UBE2H: variants seen among roughly 807,000 people sequenced by gnomAD.
The protein encoded by UBE2H is ubiquitin conjugating enzyme E2 H, also known as ubiquitin-conjugating enzyme E2 H.
UBE2H carries 3 observed loss-of-function variants against 29.0 expected under a neutral mutation model. The observed-to-expected ratio is 0.10, with a 90% CI of 0.05 to 0.27. The LOEUF (loss-of-function observed/expected upper bound fraction) is 0.27. UBE2H is among the 10% of genes least tolerant of loss of function. The pLI, the probability that UBE2H is intolerant of heterozygous loss-of-function variation, is 1.00. For synonymous variants in UBE2H, 69 were observed against 82.9 expected (o/e 0.83, Z 0.91); for missense variants, 68 against 228.2 (o/e 0.30, Z 4.52).
At chr7:129,906,965 G>C (rs1364990632) in intron 1 of UBE2H, among the ~76,000 whole-genome samples, 2 of 152,294 alleles carry the variant, frequency 1.3e-5, no homozygotes, top group East Asian at 3.9e-4. Flanking sequence ...AGTTTTGAGA[G>C]ACATTACTAC....
intron 5 of UBE2H, among the ~76,000 whole-genome samples, chr7:129,852,445 C>T (rs935325631): frequency 2.8e-4 from 42 of 150,240 alleles, no homozygotes; most frequent in Middle Eastern, 6.8e-3. Flanking sequence ...CCAGCCTGGG[C>T]GACAGAGCGA....
intron 3 of UBE2H, among the ~76,000 whole-genome samples, chr7:129,865,402 T>A (rs189310359): frequency 3.3e-5 from 5 of 152,274 alleles, no homozygotes; most frequent in South Asian, 2.1e-4. Flanking sequence ...TATTTTTCCA[T>A]CTTTGTTCCC....
intron 1 of UBE2H, among the ~76,000 whole-genome samples, chr7:129,909,883 C>G (rs114899655): frequency 0.047 from 7,124 of 151,928 alleles, 189 homozygotes; most frequent in South Asian, 0.13. Context: ...GAGCCACAAG[C>G]AAACAGCTGA....
chr7:129,931,397 A>AG (rs1807393954), intron 1 of UBE2H, among the ~76,000 whole-genome samples: 1 of 150,800 alleles, frequency 6.6e-6, no homozygotes, highest in East Asian at 1.9e-4. Context: ...TGGGGAAAGA[A>AG]AAAAAAAACC....
chr7:129,873,279 A>T (rs945839550), intron 3 of UBE2H, among the ~76,000 whole-genome samples: 4 of 151,970 alleles, frequency 2.6e-5, no homozygotes, highest in Non-Finnish European at 5.9e-5. Context: ...TCAGCCTCCC[A>T]AAGTGCTGGG....
intron 1 of UBE2H, among the ~76,000 whole-genome samples, chr7:129,885,937 T>C (rs1378499168): frequency 6.6e-6 from 1 of 152,206 alleles, no homozygotes; most frequent in Admixed American, 6.5e-5. Context: ...AGTTTCTTTC[T>C]CCTCTCTGCT....
intron 1 of UBE2H, among the ~76,000 whole-genome samples, chr7:129,952,139 C>A (rs370932665): frequency 6.6e-6 from 1 of 151,548 alleles, no homozygotes; most frequent in Non-Finnish European, 1.5e-5. Flanking sequence ...AAATCCAAAG[C>A]GAGCAAACAG....
chr7:129,857,238 C>T (rs1222130727), intron 5 of UBE2H: 2 of 418,912 alleles, frequency 4.8e-6, no homozygotes, highest in Non-Finnish European at 8.5e-6. Flanking sequence ...CACATGTATT[C>T]ATGTGTGTGC....
Position 129,942,132 on chromosome 7 carries a change from G to T in UBE2H, c.53+10371C>A, listed in dbSNP as rs2116519157. ...GGCTGAAGCAGGAGGATTGAGTTCA[G>T]AATCCGGAAGTTCGAGGCTGCAGTG... On this transcript the variant is annotated intron_variant, in intron 1 of 6. Transcript: ENST00000355621. Among the ~76,000 whole-genome samples the T allele has an allele frequency of 1.5e-5, 2 of 134,510 alleles. 1 individual carries two copies. The highest frequency in any genetic ancestry group is 9.7e-3 in the Middle Eastern group (2 of 206). The allele number at this position is 134,510 out of a possible 152,430, so 88.2% of individuals were successfully genotyped here.
At chr7:129,853,285 T>C (rs532730635) in intron 5 of UBE2H, among the ~76,000 whole-genome samples, 1 of 152,328 alleles carries the variant, frequency 6.6e-6, no homozygotes, top group South Asian at 2.1e-4. Flanking sequence ...AAGCTACCTG[T>C]GGCTTAATGA....
chr7:129,944,740 ACACACACACACGCACGCACG>A (rs1807724058), intron 1 of UBE2H, among the ~76,000 whole-genome samples: 1 of 142,576 alleles, frequency 7.0e-6, no homozygotes. Flanking sequence ...ACACACACAC[ACACACACACACGCACGCACG>A]CACGCGCATG....
intron 1 of UBE2H, among the ~76,000 whole-genome samples, chr7:129,891,594 G>C (rs1806488662): frequency 6.6e-6 from 1 of 152,054 alleles, no homozygotes; most frequent in African/African-American, 2.4e-5. Flanking sequence ...ATGAGGTCAG[G>C]AGTTCAAGAC....
In UBE2H at chr7:129,952,927, T is replaced by C. The variant is rs1415135653; in HGVS notation, c.-372A>G. ...GCCTCCACTATAAGCGGACGACTCC[T>C]GCTCAGTCGGCCTCCCTACCCCAGC... On this transcript the variant is annotated 5_prime_UTR_variant, in exon 1 of 7. Coordinates refer to ENST00000355621, the MANE Select transcript of UBE2H (RefSeq NM_003344.4). 1 of 162,930 alleles carries C rather than the reference T, an allele frequency of 6.1e-6. No individual in the cohort carries two copies. Among genetic ancestry groups the C allele is most frequent in the African/African-American group, 2.4e-5 (1 of 41,890 alleles). 10.1% of individuals were successfully genotyped at this position (162,930 alleles called of 1,614,324 possible). A position where few individuals can be genotyped will look rare whatever the true frequency, so the allele number is the denominator to read the frequency against.
chr7:129,870,210 G>A (rs1359965492), intron 3 of UBE2H, among the ~76,000 whole-genome samples: 1 of 151,976 alleles, frequency 6.6e-6, no homozygotes, highest in African/African-American at 2.4e-5. Context: ...CTTCCTTCTC[G>A]ATGGTGGTGC....
chr7:129,899,604 G>A lies in UBE2H; in HGVS notation c.54-18633C>T, dbSNP rs540853962. Among the ~76,000 whole-genome samples the A allele has an allele frequency of 1.4e-3, 214 of 152,116 alleles. 1 individual carries two copies. Among genetic ancestry groups the A allele is most frequent in the Middle Eastern group, 3.4e-3 (1 of 292 alleles). ...ACACGTGCATGTGCTCAGGATTCACGAACAAAAACTTACTAAGATATGAAG... is the reference window on the plus strand; with the variant it reads ...ACACGTGCATGTGCTCAGGATTCACAAACAAAAACTTACTAAGATATGAAG... On this transcript the variant is annotated intron_variant, in intron 1 of 6. Transcript: ENST00000355621.
At chr7:129,935,048 G>C (rs1432504282) in intron 1 of UBE2H, among the ~76,000 whole-genome samples, 4 of 150,984 alleles carry the variant, frequency 2.6e-5, no homozygotes, top group African/African-American at 9.7e-5. Flanking sequence ...ACAAAATAGA[G>C]GTGAAAGGTA....
Position 129,952,715 on chromosome 7 carries a change from G to GGGC in UBE2H, c.-161_-160insGCC. On this transcript the variant is annotated 5_prime_UTR_variant, in exon 1 of 7. Coordinates refer to ENST00000355621, the MANE Select transcript of UBE2H (RefSeq NM_003344.4). ...CCGCCGCCGCCGCCCCCCGCACGGG[G>GGGC]GAACACCGGGCACTGTCCGGCCGGG... The GGGC allele has an allele frequency of 1.3e-6, 1 of 766,050 alleles. No homozygotes were observed. The highest frequency in any genetic ancestry group is 1.9e-6 in the Non-Finnish European group (1 of 536,222). The allele number at this position is 766,050 out of a possible 1,614,324, so 47.5% of individuals were successfully genotyped here. A position where few individuals can be genotyped will look rare whatever the true frequency, so the allele number is the denominator to read the frequency against.
At chr7:129,858,864 T>C in intron 4 of UBE2H, 38 bp downstream of exon 4, 1 of 1,583,874 alleles carries the variant, frequency 6.3e-7, no homozygotes, top group Non-Finnish European at 8.7e-7. Flanking sequence ...CATGAGCAGT[T>C]GCTGCTAAAA....
chr7:129,911,682 G>A (rs566894571), intron 1 of UBE2H, among the ~76,000 whole-genome samples: 2 of 152,112 alleles, frequency 1.3e-5, no homozygotes, highest in South Asian at 4.1e-4. Context: ...CTGTTGCCCA[G>A]GCTGGAAGGC....
Sources: gnomAD v4.1 joint callset for allele counts (sites outside exome capture counted in the v4.1 genomes callset) on GRCh38, gnomAD v4.1.1 for gene constraint, MANE v1.5 for transcripts, NCBI Gene and HGNC (gene_info 2026-07-23, HGNC 2026-07-21) for gene names.